MAOA: variants seen among roughly 807,000 people sequenced by gnomAD.
MAOA encodes the protein monoamine oxidase A, also known as amine oxidase [flavin-containing] A.
In MAOA, 6 loss-of-function variants were observed where a neutral mutation model predicts 42.0. That is an observed-to-expected ratio of 0.14 (90% CI 0.08 to 0.28). MAOA has a LOEUF of 0.28. MAOA is among the 10% of genes least tolerant of loss of function. The pLI is 1.00. For synonymous variants in MAOA, 140 were observed against 154.0 expected (o/e 0.91, Z 0.67); for missense variants, 262 against 422.3 (o/e 0.62, Z 3.33).
chrX:43,706,204 T>C (rs975410487), intron 3 of MAOA, among the ~76,000 whole-genome samples: 3 of 112,292 alleles, frequency 2.7e-5, no homozygotes, highest in Non-Finnish European at 5.6e-5. Flanking sequence ...ACACTATAAA[T>C]GGATGAATTA....
chrX:43,692,023 ACACACACACACACACG>A (rs1382243044), intron 2 of MAOA, among the ~76,000 whole-genome samples: 3 of 62,278 alleles, frequency 4.8e-5, no homozygotes, highest in Admixed American at 2.0e-4. Flanking sequence ...ACACACACAC[ACACACACACACACACG>A]CACGCACACA....
intron 5 of MAOA, among the ~76,000 whole-genome samples, chrX:43,717,732 A>C (rs2033755765): frequency 9.1e-6 from 1 of 110,435 alleles, no homozygotes; most frequent in African/African-American, 3.3e-5. Context: ...CTGGTAGGGT[A>C]GATGGTTTGG....
At chrX:43,690,111 A>G (rs944334115) in intron 2 of MAOA, among the ~76,000 whole-genome samples, 1 of 109,043 alleles carries the variant, frequency 9.2e-6, no homozygotes, top group African/African-American at 3.3e-5. Context: ...CATTCTTTGG[A>G]CCTGTTGGGT....
At chrX:43,673,029 T>C (rs1468389100) in intron 1 of MAOA, among the ~76,000 whole-genome samples, 3 of 110,919 alleles carry the variant, frequency 2.7e-5, no homozygotes, top group Non-Finnish European at 5.7e-5. Flanking sequence ...AGTTCCTCCT[T>C]GTACCTCTGG....
At chrX:43,691,427 C>A (rs2033532076) in intron 2 of MAOA, among the ~76,000 whole-genome samples, 1 of 109,718 alleles carries the variant, frequency 9.1e-6, no homozygotes, top group Admixed American at 9.7e-5. Flanking sequence ...ATTACTGATG[C>A]AATAAAGAAT....
intron 1 of MAOA, among the ~76,000 whole-genome samples, chrX:43,675,425 C>G (rs1169529854): frequency 8.9e-6 from 1 of 112,361 alleles, no homozygotes; most frequent in Non-Finnish European, 1.9e-5. Flanking sequence ...TCGTCCGAAG[C>G]CTTCTTCGCT....
chrX:43,675,319 G>T (rs2033384375), intron 1 of MAOA, among the ~76,000 whole-genome samples: 1 of 111,353 alleles, frequency 9.0e-6, no homozygotes, highest in South Asian at 3.8e-4. Context: ...TCTCTGTATT[G>T]GTTATTCTAG....
intron 5 of MAOA, among the ~76,000 whole-genome samples, chrX:43,726,606 A>C (rs890949542): frequency 1.8e-5 from 2 of 111,904 alleles, no homozygotes; most frequent in Non-Finnish European, 3.8e-5. Context: ...GCTTCCTTGC[A>C]TTGGGTTAGA....
At chrX:43,727,976 T>C (rs988466294) in intron 5 of MAOA, among the ~76,000 whole-genome samples, 197 bp from the exon 6 acceptor site, 16 of 112,165 alleles carry the variant, frequency 1.4e-4, no homozygotes, top group African/African-American at 4.9e-4. Context: ...TTTCAACTCA[T>C]AATTTCTTAA....
In MAOA at chrX:43,744,443, T is replaced by C. The variant is rs745455309; in HGVS notation, c.1514T>C (p.Ile505Thr). The change falls in exon 15 of 15, where the codon ATT becomes ACT. Residue 505 changes from isoleucine (I) to threonine (T), a missense_variant. Physicochemically the swap from Ile to Thr is moderately conservative, Grantham distance 89 (BLOSUM62 -1). Coordinates refer to ENST00000338702, the MANE Select transcript of MAOA (RefSeq NM_000240.4). ...LPSVSGLLKIIGFSTSVTALG... is the reference protein window; with the variant it reads ...LPSVSGLLKITGFSTSVTALG... The stretch of plus-strand genomic sequence containing the variant: ...TCTGTTTCTGGCCTGCTGAAGATCA[T>C]TGGATTTTCCACATCAGTAACTGCC... The C allele has an allele frequency of 3.1e-5, 38 of 1,207,621 alleles. No individual in the cohort carries two copies. Among genetic ancestry groups the C allele is most frequent in the South Asian group, 5.3e-5 (3 of 56,645 alleles).
At chrX:43,697,449 A>G (rs781467837) in intron 3 of MAOA, among the ~76,000 whole-genome samples, 4 of 112,406 alleles carry the variant, frequency 3.6e-5, no homozygotes, top group African/African-American at 6.5e-5. Flanking sequence ...TGATGGATGC[A>G]GTAACTGGAA....
intron 3 of MAOA, among the ~76,000 whole-genome samples, chrX:43,697,123 A>G (rs1217664163): frequency 2.7e-5 from 3 of 112,392 alleles, no homozygotes; most frequent in Admixed American, 1.9e-4. Context: ...CATTTCACAG[A>G]AAGAGTCTGA....
intron 3 of MAOA, among the ~76,000 whole-genome samples, chrX:43,710,320 G>A (rs892965482): frequency 8.9e-6 from 1 of 112,421 alleles, no homozygotes; most frequent in Non-Finnish European, 1.9e-5. Context: ...GATAAGAAAC[G>A]AGATCACATA....
intron 3 of MAOA, among the ~76,000 whole-genome samples, chrX:43,697,043 T>C (rs2033585544): frequency 8.9e-6 from 1 of 112,209 alleles, no homozygotes; most frequent in Admixed American, 9.4e-5. Flanking sequence ...TTCCAGGCCC[T>C]GTGCCAGGGC....
intron 1 of MAOA, among the ~76,000 whole-genome samples, chrX:43,659,753 C>T (rs927898278): frequency 1.8e-5 from 2 of 111,081 alleles, no homozygotes; most frequent in African/African-American, 6.5e-5. Context: ...TTCCTCAGTT[C>T]CTTGACTCTG....
chrX:43,696,173 G>T (rs1199507143), intron 3 of MAOA, among the ~76,000 whole-genome samples: 1 of 111,546 alleles, frequency 9.0e-6, no homozygotes, highest in Non-Finnish European at 1.9e-5. Flanking sequence ...TAGCATCCAG[G>T]GTCCCTTTTT....
intron 3 of MAOA, among the ~76,000 whole-genome samples, chrX:43,703,419 GCTAGATATA>G (rs1391605177): frequency 8.9e-6 from 1 of 112,207 alleles, no homozygotes; most frequent in African/African-American, 3.2e-5. Flanking sequence ...TGCAATTTTA[GCTAGATATA>G]CAAGCAATTT....
intron 1 of MAOA, among the ~76,000 whole-genome samples, chrX:43,657,175 G>A (rs2033188582): frequency 1.1e-5 from 1 of 93,406 alleles, no homozygotes; most frequent in African/African-American, 4.1e-5. Context: ...TATATGAACT[G>A]TGTTTATATA....
Position 43,745,587 on chromosome X carries a change from A to G in MAOA, c.*1074A>G, listed in dbSNP as rs1226766691. ...ATAAATTTGACTGTTATTTGTTGAGACTATCAAACAGAAAAGAAATTAGGG... is the reference window on the plus strand; with the variant it reads ...ATAAATTTGACTGTTATTTGTTGAGGCTATCAAACAGAAAAGAAATTAGGG... On this transcript the variant is annotated 3_prime_UTR_variant, in exon 15 of 15. Coordinates refer to ENST00000338702, the MANE Select transcript of MAOA (RefSeq NM_000240.4). 2 of 111,617 alleles carry G rather than the reference A, an allele frequency of 1.8e-5. No homozygotes were observed. The highest frequency in any genetic ancestry group is 1.9e-4 in the Admixed American group (2 of 10,503). 9.2% of individuals were successfully genotyped at this position (111,617 alleles called of 1,213,427 possible). A position where few individuals can be genotyped will look rare whatever the true frequency, so the allele number is the denominator to read the frequency against.
Sources: allele counts gnomAD v4.1 joint callset (sites outside exome capture counted in the v4.1 genomes callset), GRCh38; gene constraint gnomAD v4.1.1; transcripts MANE v1.5; gene names NCBI Gene and HGNC (gene_info 2026-07-23, HGNC 2026-07-21).